The following FAM228B variants were observed in gnomAD, a reference collection of about 807,000 sequenced individuals.
FAM228B encodes family with sequence similarity 228 member B.
In FAM228B, 38 loss-of-function variants were observed where a neutral mutation model predicts 42.6. That is an observed-to-expected ratio of 0.89 (90% CI 0.69 to 1.17). The LOEUF (loss-of-function observed/expected upper bound fraction) is 1.17. FAM228B is among the 50% of genes most tolerant of loss of function. The pLI, the probability that FAM228B is intolerant of heterozygous loss-of-function variation, is 0.00. For missense variants in FAM228B, 344 were observed against 367.3 expected, an observed-to-expected ratio of 0.94 and a Z score of 0.52; for synonymous variants, 109 against 122.3, an observed-to-expected ratio of 0.89 and a Z score of 0.72.
chr2:24,154,386 G>C (rs1215412111), intron 7 of FAM228B, among the ~76,000 whole-genome samples: 2 of 152,172 alleles, frequency 1.3e-5, no homozygotes, highest in Non-Finnish European at 2.9e-5. Context: ...CTGTTGTTCA[G>C]ATCATTTGAT....
intron 3 of FAM228B, among the ~76,000 whole-genome samples, chr2:24,101,361 G>A (rs1295867050): frequency 6.6e-6 from 1 of 151,766 alleles, no homozygotes; most frequent in African/African-American, 2.4e-5. Context: ...ATGCTTTACT[G>A]ATCATTCTTA....
intron 2 of FAM228B, chr2:24,082,952 C>T: frequency 1.2e-6 from 2 of 1,613,984 alleles, no homozygotes; most frequent in African/African-American, 1.3e-5. Context: ...GGGTCAGGGT[C>T]AATCCCTCTG....
intron 3 of FAM228B, among the ~76,000 whole-genome samples, chr2:24,105,741 G>C (rs762882833): frequency 3.9e-5 from 6 of 152,168 alleles, no homozygotes; most frequent in Non-Finnish European, 8.8e-5. Flanking sequence ...GGAGCTGACA[G>C]ATGAAATAGC....
At chr2:24,155,504 CATATATAT>C (rs1156603467) in intron 7 of FAM228B, among the ~76,000 whole-genome samples, 10 of 35,906 alleles carry the variant, frequency 2.8e-4, no homozygotes, top group East Asian at 7.0e-4. Flanking sequence ...GAAGACCATG[CATATATAT>C]ATATATATAT....
chr2:24,112,241 T>C (rs10207813), intron 3 of FAM228B, among the ~76,000 whole-genome samples: 17,927 of 151,542 alleles, frequency 0.12, 1,240 homozygotes, highest in South Asian at 0.18. Context: ...GTATATATTA[T>C]GTGCATCAAA....
intron 2 of FAM228B, among the ~76,000 whole-genome samples, chr2:24,124,784 T>C (rs1666264722): frequency 6.6e-6 from 1 of 152,222 alleles, no homozygotes. Flanking sequence ...GGTCTTGCTA[T>C]GTTTCCTCCT....
At chr2:24,155,073 A>G (rs1326909245) in intron 7 of FAM228B, among the ~76,000 whole-genome samples, 2 of 152,170 alleles carry the variant, frequency 1.3e-5, no homozygotes, top group African/African-American at 4.8e-5. Context: ...CCAGGAGTCT[A>G]TTTATAATAG....
At chr2:24,152,067 C>T (rs1372429289) in intron 7 of FAM228B, among the ~76,000 whole-genome samples, 1 of 152,046 alleles carries the variant, frequency 6.6e-6, no homozygotes, top group East Asian at 1.9e-4. Context: ...CAGGGTTTCA[C>T]CATGTTGGCC....
chr2:24,152,624 A>G (rs1667050453), intron 7 of FAM228B, among the ~76,000 whole-genome samples: 1 of 152,160 alleles, frequency 6.6e-6, no homozygotes, highest in Non-Finnish European at 1.5e-5. Flanking sequence ...CCTTCTCCCA[A>G]ACAAACAGTC....
chr2:24,107,369 T>C (rs1222495888), intron 3 of FAM228B, among the ~76,000 whole-genome samples: 2 of 152,118 alleles, frequency 1.3e-5, no homozygotes, highest in Non-Finnish European at 2.9e-5. Context: ...AGACAGATCA[T>C]TGAGGCAGAA....
chr2:24,080,763 G>A lies in FAM228B; in HGVS notation c.-289-113G>A. ...GCACTGGCAACTTTGAGACTGGTGG[G>A]GCTTTTATTTAATCATCTCTTAAAT... On this transcript the variant is annotated intron_variant, in intron 1 of 10. Transcript: ENST00000613899. The surrounding 1 kb of genome is among the most constrained non-coding windows in gnomAD (Gnocchi z 4.7). 1 of 1,605,562 alleles carries A rather than the reference G, an allele frequency of 6.2e-7. No individual in the cohort carries two copies. The highest frequency in any genetic ancestry group is 8.5e-7 in the Non-Finnish European group (1 of 1,173,390).
chr2:24,081,047 C>T (rs963958745), intron 2 of FAM228B: 1 of 1,606,490 alleles, frequency 6.2e-7, no homozygotes. Flanking sequence ...ACAGAAAGTA[C>T]AGGGTTCTCT....
At chr2:24,154,010 A>C (rs1573779912) in intron 7 of FAM228B, among the ~76,000 whole-genome samples, 1 of 152,102 alleles carries the variant, frequency 6.6e-6, no homozygotes, top group East Asian at 1.9e-4. Flanking sequence ...TAAGTCCCCT[A>C]CTCACTGGGC....
chr2:24,094,976 G>C (rs537730581), intron 2 of FAM228B, among the ~76,000 whole-genome samples: 1 of 152,240 alleles, frequency 6.6e-6, no homozygotes, highest in South Asian at 2.1e-4. Context: ...CACACTCATA[G>C]TCCTAGCTAC....
chr2:24,162,948 G>T (rs960251815), intron 8 of FAM228B, among the ~76,000 whole-genome samples: 1 of 152,084 alleles, frequency 6.6e-6, no homozygotes. Flanking sequence ...AATGAGCATG[G>T]AGCCTTGGGG....
rs984340451 is a variant in FAM228B, at chr2:24,077,212, G to A, written c.-290+243G>A. On this transcript the variant is annotated intron_variant, in intron 1 of 10. Coordinates refer to the FAM228B transcript ENST00000613899. This position sits in a 1 kb window ranked among gnomAD's most constrained non-coding sequence, Gnocchi z 5.5. Reference sequence around the variant, plus strand: ...GTTGCGGGGCGCGCGGGCAGGTGCCGGAGGTGGTGGGCCTGGGCCTCTAGC... The same window carrying A: ...GTTGCGGGGCGCGCGGGCAGGTGCCAGAGGTGGTGGGCCTGGGCCTCTAGC... Among the ~76,000 whole-genome samples the A allele has an allele frequency of 4.6e-5, 7 of 152,078 alleles. No individual in the cohort carries two copies. Among genetic ancestry groups the A allele is most frequent in the African/African-American group, 1.7e-4 (7 of 41,400 alleles).
intron 1 of FAM228B, 84 bp downstream of exon 1, chr2:24,123,617 G>A (rs1418689040): frequency 6.6e-6 from 1 of 151,966 alleles, no homozygotes; most frequent in Non-Finnish European, 1.5e-5. Context: ...TCGTCGGGCC[G>A]GGCCCGAGTG....
intron 2 of FAM228B, among the ~76,000 whole-genome samples, chr2:24,131,315 T>C (rs1666448593): frequency 6.6e-6 from 1 of 152,228 alleles, no homozygotes; most frequent in South Asian, 2.1e-4. Context: ...ATATGGGCTC[T>C]TTTTTGGTTT....
chr2:24,083,044 C>T (rs768676044), intron 2 of FAM228B: 20 of 1,614,030 alleles, frequency 1.2e-5, no homozygotes, highest in Middle Eastern at 1.6e-4. Flanking sequence ...GCTGTGTCCC[C>T]GATCTTCCAG....
Sources: allele counts gnomAD v4.1 joint callset (sites outside exome capture counted in the v4.1 genomes callset), GRCh38; gene constraint gnomAD v4.1.1; non-coding constraint Gnocchi (gnomAD v3.1); transcripts MANE v1.5; gene names NCBI Gene and HGNC (gene_info 2026-07-23, HGNC 2026-07-21).